DPT: variants seen among roughly 807,000 people sequenced by gnomAD.
DPT encodes the protein tyrosine-rich acidic matrix protein.
Under a neutral mutation model 31.2 loss-of-function variants are expected in DPT, and 21 were observed. The observed-to-expected ratio is 0.67, with a 90% CI of 0.48 to 0.97. The LOEUF (loss-of-function observed/expected upper bound fraction) is 0.97. Ranked by LOEUF, DPT falls within the 50% of genes least tolerant of loss-of-function variation. DPT has a pLI of 0.00. For synonymous variants in DPT, 91 were observed against 86.9 expected (o/e 1.05, Z -0.26); for missense variants, 262 against 258.8 (o/e 1.01, Z -0.08).
intron 2 of DPT, 89 bp downstream of exon 2, chr1:168,714,132 G>A (rs2101906789): frequency 6.4e-7 from 1 of 1,555,590 alleles, no homozygotes; most frequent in East Asian, 2.3e-5. Context: ...GCTTGTGTGT[G>A]ACCCTCAAGC....
rs2101906906 is a variant in DPT, at chr1:168,714,242, T to C, written c.410A>G (p.Lys137Arg). 6.2e-7 allele frequency: 1 copy of C among 1,614,094 alleles called. No homozygotes were observed. Among genetic ancestry groups the C allele is most frequent in the Non-Finnish European group, 8.5e-7 (1 of 1,179,992 alleles). ...EWQFYCCRYSKRCPYSCWLTT... is the reference protein window; with the variant it reads ...EWQFYCCRYSRRCPYSCWLTT... ...TCACCAGCAGGAATATGGGCACCTC[T>C]TGCTGTAGCGACAACAGTAAAACTG... Residue 137 changes from lysine (K) to arginine (R), a missense_variant, in exon 2 of 4, where the codon AAG (lysine) becomes AGG (arginine). Transcript: ENST00000367817.
At chr1:168,700,003 C>T (rs988687929) in intron 3 of DPT, among the ~76,000 whole-genome samples, 1 of 152,052 alleles carries the variant, frequency 6.6e-6, no homozygotes, top group African/African-American at 2.4e-5. Context: ...CATTTAAATT[C>T]TCTTCTTTCA....
At chr1:168,724,380 G>A (rs1450381598) in intron 1 of DPT, among the ~76,000 whole-genome samples, 2 of 152,206 alleles carry the variant, frequency 1.3e-5, no homozygotes, top group Non-Finnish European at 2.9e-5. Context: ...GCGGAGGGCC[G>A]TGGGGACACT....
chr1:168,699,410 C>T lies in DPT; in HGVS notation c.539+1607G>A, dbSNP rs16861341. Among the ~76,000 whole-genome samples, 1,508 of 152,142 alleles carry T rather than the reference C, an allele frequency of 9.9e-3. 28 individuals carry two copies. Among genetic ancestry groups the T allele is most frequent in the African/African-American group, 0.034 (1,408 of 41,508 alleles). On this transcript the variant is annotated intron_variant, in intron 3 of 3. Transcript: ENST00000367817. ...AGTTTCATTCTAAGTAGTATATACT[C>T]GTTTCCCTTTCTAATTTGCTGCTTC...
chr1:168,711,219 A>G (rs1028541274), intron 2 of DPT, among the ~76,000 whole-genome samples: 1 of 150,214 alleles, frequency 6.7e-6, no homozygotes, highest in Non-Finnish European at 1.5e-5. Context: ...ACGGGGTTTC[A>G]TCATGTTAGC....
chr1:168,708,289 A>G (rs1160814123), intron 2 of DPT, among the ~76,000 whole-genome samples: 2 of 152,220 alleles, frequency 1.3e-5, no homozygotes, highest in Non-Finnish European at 2.9e-5. Context: ...GTACATGTCT[A>G]CATTTTAAAT....
Position 168,696,284 on chromosome 1 carries a change from G to C in DPT, c.*265C>G, listed in dbSNP as rs1649464636. The C allele has an allele frequency of 1.8e-6, 1 of 562,214 alleles. No individual in the cohort carries two copies. The highest frequency in any genetic ancestry group is 1.9e-5 in the African/African-American group (1 of 53,124). The allele number at this position is 562,214 out of a possible 1,614,324, so 34.8% of individuals were successfully genotyped here. On this transcript the variant is annotated 3_prime_UTR_variant, in exon 4 of 4. Transcript: ENST00000367817. ...CTGTAAGCATGCGCACTGTATATGTGGTGTGCAAGGAAGCCATCATCAGTC... is the reference window on the plus strand; with the variant it reads ...CTGTAAGCATGCGCACTGTATATGTCGTGTGCAAGGAAGCCATCATCAGTC...
intron 2 of DPT, among the ~76,000 whole-genome samples, chr1:168,707,782 C>T (rs1437431839): frequency 1.3e-5 from 2 of 152,150 alleles, no homozygotes; most frequent in African/African-American, 4.8e-5. Flanking sequence ...GCATTTTTTC[C>T]TGCCATCATG....
chr1:168,724,761 C>T (rs752580405), intron 1 of DPT, among the ~76,000 whole-genome samples: 41 of 152,074 alleles, frequency 2.7e-4, no homozygotes, highest in Non-Finnish European at 5.3e-4. Context: ...GGAAATAGTC[C>T]GACCATGGAA....
At chr1:168,696,749 T>C (rs1649475830) in intron 3 of DPT, 134 bp from the exon 4 acceptor site, 11 of 751,618 alleles carry the variant, frequency 1.5e-5, no homozygotes, top group African/African-American at 1.8e-5. Context: ...CACTTTGCTC[T>C]TAGAAGACAT....
At chr1:168,713,539 A>C (rs1410373821) in intron 2 of DPT, among the ~76,000 whole-genome samples, 1 of 152,168 alleles carries the variant, frequency 6.6e-6, no homozygotes, top group African/African-American at 2.4e-5. Context: ...AGATTAAAAA[A>C]ACCTGGGCCG....
chr1:168,706,624 A>C (rs1231894562), intron 2 of DPT, among the ~76,000 whole-genome samples: 2 of 152,132 alleles, frequency 1.3e-5, no homozygotes, highest in Non-Finnish European at 2.9e-5. Flanking sequence ...GAAAATCTGA[A>C]CCCAGGGGCT....
At chr1:168,706,936 G>A (rs1209292740) in intron 2 of DPT, among the ~76,000 whole-genome samples, 2 of 152,158 alleles carry the variant, frequency 1.3e-5, no homozygotes, top group Non-Finnish European at 2.9e-5. Context: ...GTCAGTGGGG[G>A]CTACTTGACC....
At chr1:168,722,160 T>TGC in intron 1 of DPT, among the ~76,000 whole-genome samples, 1 of 152,202 alleles carries the variant, frequency 6.6e-6, no homozygotes, top group African/African-American at 2.4e-5. Flanking sequence ...TTGCATGAGC[T>TGC]ACATTAGCAT....
intron 1 of DPT, among the ~76,000 whole-genome samples, chr1:168,715,527 A>C (rs899142998): frequency 4.6e-5 from 7 of 152,224 alleles, no homozygotes; most frequent in African/African-American, 1.2e-4. Flanking sequence ...TACAAATTCA[A>C]GATTGTATTA....
At position 168,696,595 on chromosome 1, in the gene DPT, A is replaced by G; in HGVS notation, c.560T>C (p.Ile187Thr). The G allele has an allele frequency of 6.2e-7, 1 of 1,614,086 alleles. No individual in the cohort carries two copies. The highest frequency in any genetic ancestry group is 8.5e-7 in the Non-Finnish European group (1 of 1,179,968). The change falls in exon 4 of 4, where the codon ATA becomes ACA. Residue 187 changes from isoleucine to threonine, a missense_variant. Coordinates refer to ENST00000367817, the MANE Select transcript of DPT (RefSeq NM_001937.5). ...AVERDRQWKF[I>T]MCRMTEYDCE... is the part of the protein sequence containing the mutation. ...GTCGTATTCAGTCATCCGGCACATTATGAACTTCCACTGGCGATCCCTGTG... is the reference window on the plus strand; with the variant it reads ...GTCGTATTCAGTCATCCGGCACATTGTGAACTTCCACTGGCGATCCCTGTG...
intron 2 of DPT, among the ~76,000 whole-genome samples, chr1:168,711,388 C>A (rs2101905061): frequency 6.6e-6 from 1 of 152,226 alleles, no homozygotes; most frequent in East Asian, 1.9e-4. Context: ...CCTTGAGGCC[C>A]AAGCCCACTA....
At chr1:168,701,734 C>T (rs113028331) in intron 2 of DPT, among the ~76,000 whole-genome samples, 393 of 152,186 alleles carry the variant, frequency 2.6e-3, no homozygotes, top group Middle Eastern at 0.01. Flanking sequence ...GAGTTTTTGC[C>T]TTGTCCACCA....
At chr1:168,716,223 CATTTATTT>C (rs552879749) in intron 1 of DPT, among the ~76,000 whole-genome samples, 7 of 152,062 alleles carry the variant, frequency 4.6e-5, no homozygotes, top group Admixed American at 2.0e-4. Flanking sequence ...TTCAAATATG[CATTTATTT>C]ATTTATTTAT....
Sources: allele counts gnomAD v4.1 joint callset (sites outside exome capture counted in the v4.1 genomes callset), GRCh38; gene constraint gnomAD v4.1.1; transcripts MANE v1.5; gene names NCBI Gene and HGNC (gene_info 2026-07-23, HGNC 2026-07-21).